Variants in QSOX1 observed in about 807,000 individuals in gnomAD.
QSOX1 encodes sulfhydryl oxidase 1.
In QSOX1, 40 loss-of-function variants were observed where a neutral mutation model predicts 76.1. The observed-to-expected ratio is 0.53, with a 90% confidence interval of 0.41 to 0.68. The LOEUF is 0.68. Among genes scored for constraint, QSOX1 ranks in the 30% least tolerant of loss-of-function variants. The probability of loss-of-function intolerance (pLI) is 0.00; values close to 1 mark genes in which losing one functional copy is unlikely to be tolerated. For missense variants in QSOX1, 931 were observed against 974.3 expected, an observed-to-expected ratio of 0.96 and a Z score of 0.59; for synonymous variants, 392 against 413.1, an observed-to-expected ratio of 0.95 and a Z score of 0.62.
intron 9 of QSOX1, 107 bp from the exon 10 acceptor site, chr1:180,190,326 A>G (rs1663277290): frequency 1.6e-6 from 2 of 1,281,628 alleles, no homozygotes. Context: ...GAGGTGATAG[A>G]CTGAGGGACC....
intron 11 of QSOX1, among the ~76,000 whole-genome samples, chr1:180,194,769 G>A (rs376738926): frequency 2.7e-4 from 41 of 152,344 alleles, no homozygotes; most frequent in Middle Eastern, 3.4e-3. Flanking sequence ...AGAAGGGGCT[G>A]GAGGAGACCA....
In QSOX1 at chr1:180,197,904, T is replaced by TAGAA; in HGVS notation, c.*867_*868insAGAA. On this transcript the variant is annotated 3_prime_UTR_variant, in exon 12 of 12. Coordinates refer to ENST00000367602, the MANE Select transcript of QSOX1 (RefSeq NM_002826.5). Reference sequence around the variant, plus strand: ...AAGCTAGGGAGGGGAGTGTCTTCTCTCTCCAGGTTTCACCTTCCAGTGTGC... The same window carrying TAGAA: ...AAGCTAGGGAGGGGAGTGTCTTCTCTAGAACTCCAGGTTTCACCTTCCAGTGTGC... The TAGAA allele has an allele frequency of 3.2e-6, 1 of 313,652 alleles. No homozygotes were observed. Among genetic ancestry groups the TAGAA allele is most frequent in the South Asian group, 2.7e-5 (1 of 37,646 alleles). The allele number at this position is 313,652 out of a possible 1,614,324, so 19.4% of individuals were successfully genotyped here. A position where few individuals can be genotyped will look rare whatever the true frequency, so the allele number is the denominator to read the frequency against.
At chr1:180,173,360 C>T (rs1662806383) in intron 2 of QSOX1, among the ~76,000 whole-genome samples, 1 of 152,144 alleles carries the variant, frequency 6.6e-6, no homozygotes, top group Admixed American at 6.5e-5. Context: ...CTTACATTAT[C>T]AATACGATCT....
chr1:180,180,859 C>T (rs151120535), intron 5 of QSOX1, among the ~76,000 whole-genome samples: 2 of 152,294 alleles, frequency 1.3e-5, no homozygotes, highest in African/African-American at 4.8e-5. Flanking sequence ...CTACTATGTG[C>T]TAGTCACTGT....
intron 8 of QSOX1, among the ~76,000 whole-genome samples, 160 bp from the exon 9 acceptor site, chr1:180,189,392 A>T (rs1663251021): frequency 6.6e-6 from 1 of 151,846 alleles, no homozygotes; most frequent in African/African-American, 2.4e-5. Context: ...TCTTAGTTAG[A>T]ATGTTTTCCT....
At chr1:180,178,924 A>C in intron 5 of QSOX1, 40 bp downstream of exon 5, 1 of 1,553,106 alleles carries the variant, frequency 6.4e-7, no homozygotes, top group Non-Finnish European at 8.9e-7. Context: ...TTGGATAGCC[A>C]TGGAGAGAGA....
Position 180,198,489 on chromosome 1 carries a change from G to A in QSOX1, c.*1452G>A, listed in dbSNP as rs1416675480. 1 of 430,820 alleles carries A rather than the reference G, an allele frequency of 2.3e-6. No homozygotes were observed. The highest frequency in any genetic ancestry group is 2.4e-5 in the Admixed American group (1 of 41,044). The allele number at this position is 430,820 out of a possible 1,614,324, so 26.7% of individuals were successfully genotyped here. A position where few individuals can be genotyped will look rare whatever the true frequency, so the allele number is the denominator to read the frequency against. On this transcript the variant is annotated 3_prime_UTR_variant, in exon 12 of 12. Transcript: ENST00000367602. The stretch of plus-strand genomic sequence containing the variant: ...AATGAACCTCATTAAGGGGGAGCAG[G>A]AGCCTCAATCCGATTTGGTTTTCTC...
chr1:180,157,087 A>T (rs1050063984), intron 1 of QSOX1, among the ~76,000 whole-genome samples: 29 of 152,206 alleles, frequency 1.9e-4, no homozygotes, highest in African/African-American at 7.0e-4. Context: ...TCCAAACAGG[A>T]TTCCCCAGTG....
At chr1:180,167,514 A>T (rs984626225) in intron 2 of QSOX1, among the ~76,000 whole-genome samples, 1 of 152,182 alleles carries the variant, frequency 6.6e-6, no homozygotes, top group African/African-American at 2.4e-5. Context: ...AACTCAGCTT[A>T]ATTACCCCAG....
intron 5 of QSOX1, among the ~76,000 whole-genome samples, chr1:180,181,432 G>A (rs759066096): frequency 5.1e-4 from 78 of 152,268 alleles, no homozygotes; most frequent in Admixed American, 7.2e-4. Context: ...GTTAAGAAAC[G>A]TTTTCAGATC....
At chr1:180,180,671 C>T (rs1663008189) in intron 5 of QSOX1, among the ~76,000 whole-genome samples, 1 of 152,228 alleles carries the variant, frequency 6.6e-6, no homozygotes, top group African/African-American at 2.4e-5. Context: ...CCCGCCACCA[C>T]ACCAGGCTAA....
intron 2 of QSOX1, among the ~76,000 whole-genome samples, chr1:180,172,869 C>T (rs1244527822): frequency 6.6e-6 from 1 of 152,018 alleles, no homozygotes; most frequent in East Asian, 1.9e-4. Context: ...TTAATATGGG[C>T]ACCTGCTCAG....
At position 180,155,197 on chromosome 1, in the gene QSOX1, C is replaced by T. The variant is rs1662347133; in HGVS notation, c.265+25C>T. On this transcript the variant is annotated intron_variant, in intron 1 of 11. Transcript: ENST00000367602. ...GGTGAGAAGCGGGGGCGGCCCGCTC[C>T]CCCGTGCCCCGCCGCCCGGACCCCT... 3.4e-6 allele frequency: 5 copies of T among 1,458,438 alleles called. No homozygotes were observed. The African/African-American group carries it at 4.4e-5, about 13-fold the overall frequency. 90.3% of individuals were successfully genotyped at this position (1,458,438 alleles called of 1,614,324 possible).
chr1:180,196,749 G>A lies in QSOX1; in HGVS notation c.1956G>A (p.Leu652=), dbSNP rs960985296. Residue 652 remains leucine, a synonymous_variant, in exon 12 of 12, where the codon CTG becomes CTA. Coordinates refer to ENST00000367602, the MANE Select transcript of QSOX1 (RefSeq NM_002826.5). This position sits in a 1 kb window ranked among gnomAD's most constrained non-coding sequence, Gnocchi z 4.1. ...LSKRDTGAAL[L]AESRAEKNRL... ...AGCGAGACACAGGGGCTGCATTGCTGGCTGAGTCCAGGGCTGAGAAGAACC... is the reference window on the plus strand; with the variant it reads ...AGCGAGACACAGGGGCTGCATTGCTAGCTGAGTCCAGGGCTGAGAAGAACC... 1.2e-6 allele frequency: 2 copies of A among 1,614,152 alleles called. No homozygotes were observed. Among genetic ancestry groups the A allele is most frequent in the Non-Finnish European group, 1.7e-6 (2 of 1,180,026 alleles).
At chr1:180,173,077 C>G (rs922246031) in intron 2 of QSOX1, among the ~76,000 whole-genome samples, 2 of 152,214 alleles carry the variant, frequency 1.3e-5, no homozygotes, top group African/African-American at 4.8e-5. Context: ...ATAACTGCAG[C>G]GCAACATCAC....
intron 2 of QSOX1, 142 bp downstream of exon 2, chr1:180,166,733 G>A (rs1662640116): frequency 1.3e-6 from 1 of 790,940 alleles, no homozygotes; most frequent in East Asian, 2.7e-5. Context: ...ACTTGGGCTG[G>A]TGAGAGCTCC....
At chr1:180,174,765 A>G (rs923549288) in intron 2 of QSOX1, among the ~76,000 whole-genome samples, 9 of 152,186 alleles carry the variant, frequency 5.9e-5, no homozygotes, top group Middle Eastern at 3.2e-3. Flanking sequence ...CACAGGATCC[A>G]TGGATGCTTC....
At chr1:180,192,026 C>T (rs1024316369) in intron 10 of QSOX1, among the ~76,000 whole-genome samples, 2 of 152,106 alleles carry the variant, frequency 1.3e-5, no homozygotes, top group African/African-American at 4.8e-5. Flanking sequence ...GACACCAGTC[C>T]TATTGGATTA....
rs1663504684 is a variant in QSOX1, at chr1:180,196,850, T to A, written c.2057T>A (p.Leu686Gln). ...KQLVDIPEGQ[L>Q]EARAGRGRGQ... ...CTGGTCGACATCCCTGAGGGCCAGCTGGAGGCCCGAGCTGGACGGGGCCGA... is the reference window on the plus strand; with the variant it reads ...CTGGTCGACATCCCTGAGGGCCAGCAGGAGGCCCGAGCTGGACGGGGCCGA... The change falls in exon 12 of 12, where the codon CTG (leucine) becomes CAG (glutamine). Residue 686 changes from leucine to glutamine, a missense_variant. Leu to Gln is a moderately radical substitution (Grantham distance 113). Transcript: ENST00000367602. The surrounding 1 kb of genome is among the most constrained non-coding windows in gnomAD (Gnocchi z 4.1). 3.1e-6 allele frequency: 5 copies of A among 1,605,966 alleles called. No individual in the cohort carries two copies. In the East Asian group the frequency reaches 1.1e-4, roughly 36 times the overall value.
Sources: gnomAD v4.1 joint callset for allele counts (sites outside exome capture counted in the v4.1 genomes callset) on GRCh38, gnomAD v4.1.1 for gene constraint, Gnocchi (gnomAD v3.1) non-coding constraint, MANE v1.5 for transcripts, NCBI Gene and HGNC (gene_info 2026-07-23, HGNC 2026-07-21) for gene names.